Variants in LOXHD1 observed in about 807,000 individuals in gnomAD.
The protein encoded by LOXHD1 is lipoxygenase homology domain-containing protein 1.
Under a neutral mutation model 248.2 loss-of-function variants are expected in LOXHD1, and 205 were observed. That is an observed-to-expected ratio of 0.83 (90% CI 0.74 to 0.93). The LOEUF (loss-of-function observed/expected upper bound fraction) is 0.93. Among genes scored for constraint, LOXHD1 ranks in the 40% least tolerant of loss-of-function variants. LOXHD1 has a pLI of 0.00. For synonymous variants in LOXHD1, 1,113 were observed against 1,162.8 expected, an observed-to-expected ratio of 0.96 and a Z score of 0.87; for missense variants, 2,930 against 2,971.6, an observed-to-expected ratio of 0.99 and a Z score of 0.33.
At chr18:46,532,640 G>T (rs2036124057) in intron 28 of LOXHD1, among the ~76,000 whole-genome samples, 1 of 152,212 alleles carries the variant, frequency 6.6e-6, no homozygotes, top group Admixed American at 6.5e-5. Context: ...GAATGGACGT[G>T]TTAACCAGCC....
chr18:46,626,847 T>C (rs2038749044), intron 4 of LOXHD1, among the ~76,000 whole-genome samples: 1 of 152,104 alleles, frequency 6.6e-6, no homozygotes, highest in South Asian at 2.1e-4. Context: ...TAGATGGGGG[T>C]AACAATAAAC....
At chr18:46,568,158 A>T (rs2037680724) in intron 16 of LOXHD1, among the ~76,000 whole-genome samples, 1 of 152,166 alleles carries the variant, frequency 6.6e-6, no homozygotes, top group Non-Finnish European at 1.5e-5. Context: ...GACCTGAAAT[A>T]GGGTGGGACT....
intron 14 of LOXHD1, among the ~76,000 whole-genome samples, chr18:46,576,278 G>A (rs1685340365): frequency 6.6e-6 from 1 of 152,134 alleles, no homozygotes; most frequent in Non-Finnish European, 1.5e-5. Context: ...ATCCAGGATG[G>A]GGGTGAAAAC....
At chr18:46,606,286 G>A (rs2038411623) in intron 6 of LOXHD1, among the ~76,000 whole-genome samples, 1 of 151,888 alleles carries the variant, frequency 6.6e-6, no homozygotes, top group Non-Finnish European at 1.5e-5. Context: ...TAAAGATAAG[G>A]CATGAAACGT....
chr18:46,541,781 G>T lies in LOXHD1; in HGVS notation c.3908C>A (p.Thr1303Lys), dbSNP rs1047657897. The stretch of plus-strand genomic sequence containing the variant: ...TTGCCGTGTGTGGTTCCTACATGGT[G>T]TGTACAGCCTCGTCTGAAGCTCTGC... ...FHAELQTRLYTPFVPYEITLY... is the reference protein window; with the variant it reads ...FHAELQTRLYKPFVPYEITLY... Residue 1303 changes from threonine to lysine, a missense_variant, in exon 25 of 41, where the codon ACA (threonine) becomes AAA (lysine). Thr to Lys is a moderately conservative substitution (Grantham distance 78). Transcript: ENST00000642948. 6 of 1,551,722 alleles carry T rather than the reference G, an allele frequency of 3.9e-6. No individual in the cohort carries two copies. Among genetic ancestry groups the T allele is most frequent in the Non-Finnish European group, 1.7e-6 (2 of 1,146,992 alleles).
chr18:46,505,079 T>C, intron 37 of LOXHD1, among the ~76,000 whole-genome samples: 1 of 152,188 alleles, frequency 6.6e-6, no homozygotes, highest in Non-Finnish European at 1.5e-5. Context: ...ACTGCAAAGT[T>C]AAAAATATAT....
chr18:46,606,401 G>T (rs757116889), intron 6 of LOXHD1, among the ~76,000 whole-genome samples: 4 of 151,820 alleles, frequency 2.6e-5, no homozygotes, highest in Non-Finnish European at 5.9e-5. Flanking sequence ...AATCCAAAAT[G>T]CTCCAAAGTC....
chr18:46,593,798 AG>A (rs2038215567), intron 9 of LOXHD1, 38 bp from the exon 10 acceptor site: 2 of 1,548,082 alleles, frequency 1.3e-6, no homozygotes, highest in East Asian at 2.4e-5. Context: ...AACTTCAGGA[AG>A]TGAAGAGATT....
At chr18:46,493,181 T>C (rs993630812) in intron 37 of LOXHD1, among the ~76,000 whole-genome samples, 4 of 152,220 alleles carry the variant, frequency 2.6e-5, no homozygotes, top group East Asian at 1.9e-4. Flanking sequence ...CTTAGAAACT[T>C]TGCATCTACC....
At chr18:46,635,761 T>G (rs906897124) in intron 4 of LOXHD1, among the ~76,000 whole-genome samples, 2 of 152,200 alleles carry the variant, frequency 1.3e-5, no homozygotes, top group African/African-American at 4.8e-5. Context: ...TAAAATAAAT[T>G]TATAAGTTAA....
chr18:46,524,476 T>C lies in LOXHD1; in HGVS notation c.4866A>G (p.Gln1622=), dbSNP rs1293429727. Residue 1622 remains glutamine (Q), a synonymous_variant, in exon 31 of 41, where the codon CAA becomes CAG. Coordinates refer to ENST00000642948, the MANE Select transcript of LOXHD1 (RefSeq NM_001384474.1). ...TVTGPMADYV[Q]EGPIIPYYVS... ...CCCTGGTTGGCTTACTTGGGCCCTCTTGAACGTAGTCAGCCATGGGCCCGG... is the reference window on the plus strand; with the variant it reads ...CCCTGGTTGGCTTACTTGGGCCCTCCTGAACGTAGTCAGCCATGGGCCCGG... The C allele has an allele frequency of 3.9e-6, 6 of 1,551,310 alleles. No individual in the cohort carries two copies. In the African/African-American group the frequency reaches 5.5e-5, roughly 14 times the overall value.
chr18:46,647,210 G>T (rs933638968), intron 2 of LOXHD1, among the ~76,000 whole-genome samples: 1 of 152,182 alleles, frequency 6.6e-6, no homozygotes, highest in Admixed American at 6.5e-5. Context: ...AAGCCAGGAG[G>T]TCCCAGCCCT....
Position 46,572,071 on chromosome 18 carries a change from AT to A in LOXHD1, c.2047+14del. The A allele has an allele frequency of 2.6e-6, 4 of 1,551,246 alleles. No individual in the cohort carries two copies. Among genetic ancestry groups the A allele is most frequent in the Non-Finnish European group, 3.5e-6 (4 of 1,146,516 alleles). On this transcript the variant is annotated intron_variant, in intron 15 of 40. Transcript: ENST00000642948. ...CCAAGGGCACACCCAGCACCTGGTC[AT>A]CAGGACAACTCACTCTTCAGTGTCG...
At chr18:46,564,205 G>A (rs2144044274) in intron 17 of LOXHD1, among the ~76,000 whole-genome samples, 1 of 152,004 alleles carries the variant, frequency 6.6e-6, no homozygotes, top group Admixed American at 6.5e-5. Flanking sequence ...GAAGTCAATA[G>A]ATAACGTCTA....
At chr18:46,606,738 A>G (rs545845716) in intron 6 of LOXHD1, among the ~76,000 whole-genome samples, 3 of 152,322 alleles carry the variant, frequency 2.0e-5, no homozygotes, top group South Asian at 2.1e-4. Context: ...TATACATTTT[A>G]TATATTACAT....
intron 14 of LOXHD1, among the ~76,000 whole-genome samples, chr18:46,576,568 TC>T (rs2037859645): frequency 6.6e-6 from 1 of 152,168 alleles, no homozygotes; most frequent in South Asian, 2.1e-4. Flanking sequence ...TTCCATCTCT[TC>T]CTGGAAGCCT....
At chr18:46,522,534 T>C (rs960689542) in intron 31 of LOXHD1, among the ~76,000 whole-genome samples, 29 of 152,238 alleles carry the variant, frequency 1.9e-4, no homozygotes, top group Admixed American at 9.2e-4. Flanking sequence ...AAAGACAGCA[T>C]TCTTGTCATT....
chr18:46,624,416 T>G (rs12970992), intron 4 of LOXHD1, among the ~76,000 whole-genome samples: 13,324 of 152,064 alleles, frequency 0.088, 653 homozygotes, highest in East Asian at 0.14. Flanking sequence ...TGGGGAGGGG[T>G]TGGTCCGCAG....
chr18:46,481,990 T>C (rs1449350068), intron 40 of LOXHD1, among the ~76,000 whole-genome samples: 1 of 152,228 alleles, frequency 6.6e-6, no homozygotes, highest in Non-Finnish European at 1.5e-5. Flanking sequence ...ACACAGTCCT[T>C]GTGGATGGGA....
Sources: gnomAD v4.1 joint callset for allele counts (sites outside exome capture counted in the v4.1 genomes callset) on GRCh38, gnomAD v4.1.1 for gene constraint, MANE v1.5 for transcripts, NCBI Gene and HGNC (gene_info 2026-07-23, HGNC 2026-07-21) for gene names.